DOP1B: variants seen among roughly 807,000 people sequenced by gnomAD.
DOP1B encodes protein DOP1B.
A neutral mutation model predicts 233.5 loss-of-function variants in DOP1B; 174 were observed. The ratio of observed to expected loss-of-function variants is 0.75; its 90% CI spans 0.66 to 0.85. DOP1B has a LOEUF of 0.85. Among genes scored for constraint, DOP1B ranks in the 40% least tolerant of loss-of-function variants. DOP1B has a pLI of 0.00. For synonymous variants in DOP1B, 1,190 were observed against 1,185.6 expected, an observed-to-expected ratio of 1.00 and a Z score of -0.08; for missense variants, 2,652 against 2,846.6, an observed-to-expected ratio of 0.93 and a Z score of 1.56.
At chr21:36,263,963 A>T in intron 26 of DOP1B, 149 bp downstream of exon 26, 1 of 854,078 alleles carries the variant, frequency 1.2e-6, no homozygotes, top group Non-Finnish European at 1.8e-6. Context: ...TTCTGCCATC[A>T]CTGTCTCTAG....
rs1454348046 is a variant in DOP1B, at chr21:36,238,638, T to C, written c.2813T>C (p.Ile938Thr). Residue 938 changes from isoleucine (I) to threonine (T), a missense_variant, in exon 17 of 37, where the codon ATC (isoleucine) becomes ACC (threonine). Physicochemically the swap from Ile to Thr is moderately conservative, Grantham distance 89. This residue lies in a region of DOP1B where 2,617 missense variants were observed against 2,794.3 expected (regional missense o/e 0.94). Transcript: ENST00000691173. ...RLEALFRFSVIWHLTREIQGS... is the reference protein window; with the variant it reads ...RLEALFRFSVTWHLTREIQGS... Reference sequence around the variant, plus strand: ...GAAGCTCTGTTTAGATTTTCCGTGATCTGGCATCTGACAAGAGAGATCCAA... The same window carrying C: ...GAAGCTCTGTTTAGATTTTCCGTGACCTGGCATCTGACAAGAGAGATCCAA... 4.3e-6 allele frequency: 7 copies of C among 1,614,226 alleles called. No homozygotes were observed. Among genetic ancestry groups the C allele is most frequent in the Non-Finnish European group, 5.1e-6 (6 of 1,180,040 alleles).
Position 36,253,884 on chromosome 21 carries a change from C to T in DOP1B, c.5234C>T (p.Pro1745Leu), listed in dbSNP as rs745683174. 3.1e-6 allele frequency: 5 copies of T among 1,613,888 alleles called. No homozygotes were observed. The South Asian group carries it at 5.5e-5, about 18-fold the overall frequency. The change falls in exon 23 of 37, where the codon CCA becomes CTA. Residue 1745 changes from proline (P) to leucine (L), a missense_variant. Pro to Leu is a moderately conservative substitution (Grantham distance 98, BLOSUM62 -3). Coordinates refer to ENST00000691173, the MANE Select transcript of DOP1B (RefSeq NM_001320714.2). ...LHLVKEVVKR[P>L]PQVKGGDEKS... is the part of the protein sequence containing the mutation. ...CTGGTGAAGGAGGTGGTGAAGAGGC[C>T]ACCCCAAGTCAAAGGGGGTGATGAG...
chr21:36,231,011 A>C lies in DOP1B; in HGVS notation c.2227A>C (p.Arg743=), dbSNP rs754058749. Reference sequence around the variant, plus strand: ...GGTGGTCATTGACCTGGGGGGTTCCAGGGAGGAACGCAGGGAGGCCTTTGC... The same window carrying C: ...GGTGGTCATTGACCTGGGGGGTTCCCGGGAGGAACGCAGGGAGGCCTTTGC... The part of the protein sequence containing the change: ...EKVVIDLGGS[R]EERREAFAAA... The change falls in exon 14 of 37, where the codon AGG becomes CGG. Residue 743 remains arginine (R), a synonymous_variant. Coordinates refer to ENST00000691173, the MANE Select transcript of DOP1B (RefSeq NM_001320714.2). 2 of 1,614,074 alleles carry C rather than the reference A, an allele frequency of 1.2e-6. No homozygotes were observed. Among genetic ancestry groups the C allele is most frequent in the African/African-American group, 2.7e-5 (2 of 74,934 alleles).
chr21:36,230,428 C>T, intron 13 of DOP1B, 22 bp from the exon 14 acceptor site: 1 of 1,586,998 alleles, frequency 6.3e-7, no homozygotes, highest in East Asian at 2.3e-5. Context: ...ATGCACAATT[C>T]ACATCTTTTT....
chr21:36,283,842 T>C (rs989162476), intron 32 of DOP1B, among the ~76,000 whole-genome samples: 1 of 152,048 alleles, frequency 6.6e-6, no homozygotes, highest in African/African-American at 2.4e-5. Context: ...TAAGCCTACT[T>C]TCTCAGTGGA....
chr21:36,251,083 A>G, intron 21 of DOP1B, 79 bp from the exon 22 acceptor site: 2 of 1,526,710 alleles, frequency 1.3e-6, no homozygotes, highest in Non-Finnish European at 8.8e-7. Context: ...CTCGGTATGG[A>G]CAGCAGTGGT....
At chr21:36,289,725 T>TA (rs1376458071) in intron 35 of DOP1B, among the ~76,000 whole-genome samples, 1 of 152,174 alleles carries the variant, frequency 6.6e-6, no homozygotes, top group African/African-American at 2.4e-5. Flanking sequence ...AGTAATCATA[T>TA]AGAAATGTTT....
intron 21 of DOP1B, among the ~76,000 whole-genome samples, chr21:36,249,795 C>T (rs553890845): frequency 3.3e-5 from 5 of 152,190 alleles, no homozygotes; most frequent in East Asian, 3.9e-4. Context: ...CAGATGTGGC[C>T]GCAGGGATGA....
chr21:36,232,741 G>C (rs990543595), intron 14 of DOP1B, 63 bp from the exon 15 acceptor site: 2 of 1,598,522 alleles, frequency 1.3e-6, no homozygotes, highest in African/African-American at 1.3e-5. Context: ...AGAATCTGCA[G>C]ACTGGGGACC....
At chr21:36,177,333 G>C (rs546257541) in intron 2 of DOP1B, among the ~76,000 whole-genome samples, 41 of 152,328 alleles carry the variant, frequency 2.7e-4, no homozygotes, top group African/African-American at 9.9e-4. Flanking sequence ...TTTGAAAAGA[G>C]CATTTCTCTT....
chr21:36,251,943 A>G (rs1056983928), intron 22 of DOP1B, among the ~76,000 whole-genome samples: 1 of 152,198 alleles, frequency 6.6e-6, no homozygotes, highest in Non-Finnish European at 1.5e-5. Context: ...GCTCACACCT[A>G]TAATCTCAAC....
At chr21:36,208,075 G>A (rs1015089129) in intron 4 of DOP1B, among the ~76,000 whole-genome samples, 3 of 152,234 alleles carry the variant, frequency 2.0e-5, no homozygotes, top group Non-Finnish European at 2.9e-5. Context: ...CAAATGCCCG[G>A]CCTCAGCACA....
intron 2 of DOP1B, among the ~76,000 whole-genome samples, chr21:36,191,285 A>C (rs544429023): frequency 2.2e-4 from 33 of 152,044 alleles, no homozygotes; most frequent in Admixed American, 2.1e-3. Flanking sequence ...ACAGAAAAAA[A>C]CCCACATACC....
At chr21:36,159,617 G>A (rs2065852654) in intron 1 of DOP1B, among the ~76,000 whole-genome samples, 1 of 152,204 alleles carries the variant, frequency 6.6e-6, no homozygotes, top group Admixed American at 6.5e-5. Flanking sequence ...ACACCAAATA[G>A]CACTTTCTTC....
Position 36,246,113 on chromosome 21 carries a change from T to A in DOP1B, c.4133T>A (p.Leu1378Gln), listed in dbSNP as rs778470619. ...GKNVEFIHSL[L>Q]QRCKVQEFVL... is the part of the protein sequence containing the mutation. The stretch of plus-strand genomic sequence containing the variant: ...AACGTGGAGTTCATCCACAGCTTGC[T>A]GCAGAGGTGCAAAGTTCAGGAGTTT... Residue 1378 changes from leucine to glutamine, a missense_variant, in exon 19 of 37, where the codon CTG (leucine) becomes CAG (glutamine). Physicochemically the swap from Leu to Gln is moderately radical, Grantham distance 113 (BLOSUM62 -2). Around this residue, in one of 3 missense-constraint regions of DOP1B, gnomAD observed 2,617 missense variants for 2,794.3 expected, o/e 0.94. Transcript: ENST00000691173. This position sits in a 1 kb window ranked among gnomAD's most constrained non-coding sequence, Gnocchi z 5.1. The A allele has an allele frequency of 6.2e-7, 1 of 1,614,140 alleles. No individual in the cohort carries two copies. Among genetic ancestry groups the A allele is most frequent in the South Asian group, 1.1e-5 (1 of 91,090 alleles).
rs114572632 is a variant in DOP1B, at chr21:36,201,065, G to A, written c.491+564G>A. ...TTAATAAGGGAGACCATAGTGCAGG[G>A]TTCCCATGATGTCCTGTCCCGTTAC... On this transcript the variant is annotated intron_variant, in intron 4 of 36. Coordinates refer to ENST00000691173, the MANE Select transcript of DOP1B (RefSeq NM_001320714.2). Among the ~76,000 whole-genome samples the A allele has an allele frequency of 2.9e-3, 449 of 152,272 alleles. 2 individuals carry two copies. Among genetic ancestry groups the A allele is most frequent in the African/African-American group, 0.01 (432 of 41,578 alleles).
At position 36,288,098 on chromosome 21, in the gene DOP1B, G is replaced by A. The variant is rs2067510284; in HGVS notation, c.6245G>A (p.Arg2082Lys). Residue 2082 changes from arginine to lysine, a missense_variant, in exon 33 of 37, where the codon AGA becomes AAA. Coordinates refer to ENST00000691173, the MANE Select transcript of DOP1B (RefSeq NM_001320714.2). ...CTTTTTTTCAGAGTTTTGCTGCTAA[G>A]AATATCTCCTCAACATTTGACTTCA... ...MFLFFRVLLL[R>K]ISPQHLTSLW... 6.2e-7 allele frequency: 1 copy of A among 1,614,036 alleles called. No individual in the cohort carries two copies. Among genetic ancestry groups the A allele is most frequent in the Non-Finnish European group, 8.5e-7 (1 of 1,179,998 alleles).
chr21:36,224,628 C>T (rs947483372), intron 11 of DOP1B, among the ~76,000 whole-genome samples: 1 of 151,742 alleles, frequency 6.6e-6, no homozygotes, highest in Non-Finnish European at 1.5e-5. Flanking sequence ...CATGGCTTTG[C>T]TGTTGCCTGT....
chr21:36,184,217 T>A (rs1215880462), intron 2 of DOP1B, among the ~76,000 whole-genome samples: 1 of 151,924 alleles, frequency 6.6e-6, no homozygotes, highest in Non-Finnish European at 1.5e-5. Context: ...CCTGGCTAAT[T>A]TTTGTATTTT....
Sources: gnomAD v4.1 joint callset for allele counts (sites outside exome capture counted in the v4.1 genomes callset) on GRCh38, gnomAD v4.1.1 for gene constraint, gnomAD v4.1.1 regional missense constraint, Gnocchi (gnomAD v3.1) non-coding constraint, MANE v1.5 for transcripts, NCBI Gene and HGNC (gene_info 2026-07-23, HGNC 2026-07-21) for gene names.